Variants in JAZF1 observed in about 807,000 individuals in gnomAD.
JAZF1 encodes juxtaposed with another zinc finger protein 1.
JAZF1 carries 8 observed loss-of-function variants against 26.4 expected under a neutral mutation model. The ratio of observed to expected loss-of-function variants is 0.30; its 90% CI spans 0.18 to 0.55. The LOEUF (loss-of-function observed/expected upper bound fraction) is 0.55. JAZF1 is among the 20% of genes least tolerant of loss of function. The pLI is 0.94. For missense variants in JAZF1, 199 were observed against 322.0 expected, an observed-to-expected ratio of 0.62 and a Z score of 2.92; for synonymous variants, 126 against 122.3, an observed-to-expected ratio of 1.03 and a Z score of -0.20.
chr7:28,028,970 T>G (rs894881552), intron 1 of JAZF1, among the ~76,000 whole-genome samples: 1 of 152,188 alleles, frequency 6.6e-6, no homozygotes, highest in East Asian at 1.9e-4. Flanking sequence ...GTTTCTCAAA[T>G]TTATTCCTTC....
At chr7:27,873,712 G>A (rs1583441658) in intron 3 of JAZF1, among the ~76,000 whole-genome samples, 1 of 152,180 alleles carries the variant, frequency 6.6e-6, no homozygotes, top group African/African-American at 2.4e-5. Context: ...TTTACACCTT[G>A]TCTTCCTCTG....
chr7:28,142,309 T>C (rs575078095), intron 1 of JAZF1, among the ~76,000 whole-genome samples: 152 of 152,280 alleles, frequency 1.0e-3, no homozygotes, highest in South Asian at 6.2e-3. Context: ...CAGACACATA[T>C]GCACATGCAA....
At chr7:27,894,852 T>C (rs2092659614) in intron 3 of JAZF1, among the ~76,000 whole-genome samples, 1 of 152,182 alleles carries the variant, frequency 6.6e-6, no homozygotes, top group African/African-American at 2.4e-5. Context: ...CTCTAAAGGA[T>C]ACAATTATTT....
rs570850892 is a variant in JAZF1 at position 27,832,529 on chromosome 7, T to C, written c.*271A>G. Reference sequence around the variant, plus strand: ...AACATGCCCTCAATTTTATTTTGTTTTGGGGGAAATGTGCTGAAGAACCTA... The same window carrying C: ...AACATGCCCTCAATTTTATTTTGTTCTGGGGGAAATGTGCTGAAGAACCTA... On this transcript the variant is annotated 3_prime_UTR_variant, in exon 5 of 5. Transcript: ENST00000283928. 4.9e-4 allele frequency: 136 copies of C among 276,280 alleles called. No homozygotes were observed. Among genetic ancestry groups the C allele is most frequent in the African/African-American group, 2.7e-3 (126 of 46,690 alleles). 17.1% of individuals were successfully genotyped at this position (276,280 alleles called of 1,614,324 possible).
At chr7:28,163,614 C>T (rs1783324129) in intron 1 of JAZF1, among the ~76,000 whole-genome samples, 1 of 152,228 alleles carries the variant, frequency 6.6e-6, no homozygotes, top group African/African-American at 2.4e-5. Flanking sequence ...ACCAAACAAG[C>T]AGGTTCCCCT....
intron 1 of JAZF1, among the ~76,000 whole-genome samples, chr7:28,176,100 G>A (rs1423532322): frequency 6.6e-6 from 1 of 152,148 alleles, no homozygotes; most frequent in Non-Finnish European, 1.5e-5. Flanking sequence ...TGGAGATGAG[G>A]AAACTAACAA....
At chr7:27,895,446 G>T in intron 2 of JAZF1, 30 bp from the exon 3 acceptor site, 1 of 1,534,792 alleles carries the variant, frequency 6.5e-7, no homozygotes, top group Non-Finnish European at 8.9e-7. Context: ...TAAGGAACCT[G>T]GGCCATGTAT....
chr7:28,088,587 G>A (rs905786251), intron 1 of JAZF1, among the ~76,000 whole-genome samples: 2 of 152,194 alleles, frequency 1.3e-5, no homozygotes, highest in African/African-American at 4.8e-5. Context: ...GTGATGAAGT[G>A]TAGCTAGGTT....
rs190784313 is a variant in JAZF1 at position 28,155,430 on chromosome 7, C to T, written c.115+25033G>A. On this transcript the variant is annotated intron_variant, in intron 1 of 4. Coordinates refer to ENST00000283928, the MANE Select transcript of JAZF1 (RefSeq NM_175061.4). ...ATACATCACTCTTCTGATAGAGGCA[C>T]AAGTCCATTAATTACCAAACTGTGC... Among the ~76,000 whole-genome samples the T allele has an allele frequency of 1.8e-3, 275 of 152,342 alleles. 1 individual carries two copies. Among genetic ancestry groups the T allele is most frequent in the African/African-American group, 6.2e-3 (256 of 41,580 alleles).
chr7:27,856,195 G>C lies in JAZF1; in HGVS notation c.386-15328C>G, dbSNP rs190812569. Among the ~76,000 whole-genome samples, 20 of 152,272 alleles carry C rather than the reference G, an allele frequency of 1.3e-4. No homozygotes were observed. In the East Asian group the frequency reaches 3.9e-3, roughly 29 times the overall value. On this transcript the variant is annotated intron_variant, in intron 3 of 4. Coordinates refer to ENST00000283928, the MANE Select transcript of JAZF1 (RefSeq NM_175061.4). ...ATGTGTTCAGAGTTTCTTCCTTCTGGGGGGTTCGTGGTCTCGCTGGCTCAG... is the reference window on the plus strand; with the variant it reads ...ATGTGTTCAGAGTTTCTTCCTTCTGCGGGGTTCGTGGTCTCGCTGGCTCAG...
At chr7:28,059,256 T>A (rs895204170) in intron 1 of JAZF1, among the ~76,000 whole-genome samples, 10 of 152,196 alleles carry the variant, frequency 6.6e-5, no homozygotes, top group Non-Finnish European at 1.3e-4. Context: ...TTTCAACTTT[T>A]CTTTGTGTGT....
intron 2 of JAZF1, among the ~76,000 whole-genome samples, chr7:27,901,263 T>C (rs762403565): frequency 6.6e-6 from 1 of 152,244 alleles, no homozygotes; most frequent in Non-Finnish European, 1.5e-5. Flanking sequence ...TTTGTAGCAA[T>C]ATTTGTTATT....
intron 1 of JAZF1, among the ~76,000 whole-genome samples, chr7:28,083,292 T>A (rs1784165349): frequency 6.6e-6 from 1 of 152,134 alleles, no homozygotes; most frequent in Non-Finnish European, 1.5e-5. Flanking sequence ...GCTGTCTCAC[T>A]CATATCACAA....
intron 1 of JAZF1, among the ~76,000 whole-genome samples, chr7:28,014,132 G>A (rs1402542749): frequency 6.6e-6 from 1 of 150,758 alleles, no homozygotes; most frequent in Non-Finnish European, 1.5e-5. Context: ...CATGGTGGGG[G>A]TGGGGGTGGG....
intron 3 of JAZF1, among the ~76,000 whole-genome samples, chr7:27,852,540 C>A (rs1344182191): frequency 6.6e-6 from 1 of 152,162 alleles, no homozygotes; most frequent in Non-Finnish European, 1.5e-5. Context: ...ATTCTCCCAT[C>A]TTGCAACCCT....
At chr7:27,912,930 C>T (rs775814224) in intron 2 of JAZF1, among the ~76,000 whole-genome samples, 3 of 152,130 alleles carry the variant, frequency 2.0e-5, no homozygotes, top group African/African-American at 2.4e-5. Flanking sequence ...TTTCCACTCA[C>T]GGTGCTGATG....
chr7:28,180,580 T>C lies in JAZF1; in HGVS notation c.-3A>G. On this transcript the variant is annotated 5_prime_UTR_variant, in exon 1 of 5. Coordinates refer to ENST00000283928, the MANE Select transcript of JAZF1 (RefSeq NM_175061.4). ...GAGGCGGCGGCGATGCCTGTCATGG[T>C]GCTACATCGAGAGCCCCCCTGGTGT... The C allele has an allele frequency of 6.3e-7, 1 of 1,596,844 alleles. No individual in the cohort carries two copies. The highest frequency in any genetic ancestry group is 8.5e-7 in the Non-Finnish European group (1 of 1,171,890).
intron 1 of JAZF1, among the ~76,000 whole-genome samples, chr7:28,006,988 T>C (rs1782712525): frequency 6.6e-6 from 1 of 152,206 alleles, no homozygotes; most frequent in South Asian, 2.1e-4. Context: ...CCCAACATCA[T>C]CTTACATGGC....
chr7:27,983,708 G>A (rs1013804323), intron 2 of JAZF1, among the ~76,000 whole-genome samples: 2 of 152,158 alleles, frequency 1.3e-5, no homozygotes, highest in African/African-American at 2.4e-5. Context: ...GAGAAAGGTC[G>A]GGTTACCCAC....
Sources: allele counts gnomAD v4.1 joint callset (sites outside exome capture counted in the v4.1 genomes callset), GRCh38; gene constraint gnomAD v4.1.1; transcripts MANE v1.5; gene names NCBI Gene and HGNC (gene_info 2026-07-23, HGNC 2026-07-21).